SEMA6D: variants seen among roughly 807,000 people sequenced by gnomAD.
SEMA6D encodes the protein semaphorin-6D.
Under a neutral mutation model 106.6 loss-of-function variants are expected in SEMA6D, and 35 were observed. The ratio of observed to expected loss-of-function variants is 0.33; its 90% CI spans 0.25 to 0.44. SEMA6D has a LOEUF of 0.44. Ranked by LOEUF, SEMA6D falls within the 20% of genes least tolerant of loss-of-function variation. SEMA6D has a pLI of 1.00. For synonymous variants in SEMA6D, 499 were observed against 487.7 expected, an observed-to-expected ratio of 1.02 and a Z score of -0.31; for missense variants, 1,185 against 1,345.9, an observed-to-expected ratio of 0.88 and a Z score of 1.87.
chr15:47,538,524 A>G (rs1209481702), intron 3 of SEMA6D, among the ~76,000 whole-genome samples: 1 of 152,218 alleles, frequency 6.6e-6, no homozygotes, highest in Non-Finnish European at 1.5e-5. Context: ...CAGAGAAGCC[A>G]GCATCTTAGC....
Position 47,685,664 on chromosome 15 carries a change from G to A in SEMA6D, c.-54-74081G>A, listed in dbSNP as rs1051106497. On this transcript the variant is annotated intron_variant, in intron 4 of 19. Coordinates refer to the SEMA6D transcript ENST00000558014. The stretch of plus-strand genomic sequence containing the variant: ...GCAGGGACTTCTTTGAGTCTAGAAT[G>A]GTAGGAGCATCCTGAGACCCCTAGT... Among the ~76,000 whole-genome samples, 40 of 152,166 alleles carry A rather than the reference G, an allele frequency of 2.6e-4. 1 individual carries two copies. The highest frequency in any genetic ancestry group is 1.0e-4 in the Non-Finnish European group (7 of 68,034).
chr15:47,562,256 T>C (rs1321989305), intron 3 of SEMA6D, among the ~76,000 whole-genome samples: 1 of 152,022 alleles, frequency 6.6e-6, no homozygotes, highest in Non-Finnish European at 1.5e-5. Flanking sequence ...AAAAAAAAAT[T>C]AAATAAATTG....
intron 4 of SEMA6D, among the ~76,000 whole-genome samples, chr15:47,664,401 C>G (rs2077985234): frequency 6.6e-6 from 1 of 150,814 alleles, no homozygotes; most frequent in African/African-American, 2.5e-5. Flanking sequence ...AATGATGATT[C>G]CACTTAAGAA....
intron 1 of SEMA6D, among the ~76,000 whole-genome samples, chr15:47,356,266 A>G (rs1236063722): frequency 6.6e-6 from 1 of 152,220 alleles, no homozygotes; most frequent in Non-Finnish European, 1.5e-5. Context: ...AATGGTAATA[A>G]CTACTAGGTT....
chr15:47,692,712 C>T (rs1215658135), intron 4 of SEMA6D, among the ~76,000 whole-genome samples: 1 of 152,138 alleles, frequency 6.6e-6, no homozygotes, highest in African/African-American at 2.4e-5. Context: ...GTGGTGTCTC[C>T]TGGATGGGCT....
chr15:47,664,186 A>T (rs2077981408), intron 4 of SEMA6D, among the ~76,000 whole-genome samples: 1 of 152,170 alleles, frequency 6.6e-6, no homozygotes, highest in African/African-American at 2.4e-5. Context: ...ACTATCATAC[A>T]TTTATATATA....
chr15:47,537,288 C>A (rs2045199055), intron 3 of SEMA6D, among the ~76,000 whole-genome samples: 1 of 152,122 alleles, frequency 6.6e-6, no homozygotes, highest in African/African-American at 2.4e-5. Context: ...ACAAAGCAGA[C>A]CCTCCTTAAA....
At chr15:47,763,746 G>A (rs2082187890) in intron 9 of SEMA6D, 104 bp from the exon 10 acceptor site, 5 of 990,342 alleles carry the variant, frequency 5.0e-6, no homozygotes, top group African/African-American at 1.6e-5. Flanking sequence ...TTTTGAACCA[G>A]ATGTATCTTT....
intron 1 of SEMA6D, among the ~76,000 whole-genome samples, chr15:47,339,717 G>A (rs2037732039): frequency 6.6e-6 from 1 of 152,004 alleles, no homozygotes; most frequent in South Asian, 2.1e-4. Context: ...AAATTAGCCG[G>A]GTGTGGTGTC....
At chr15:47,300,454 C>T (rs1433373998) in intron 1 of SEMA6D, among the ~76,000 whole-genome samples, 2 of 151,966 alleles carry the variant, frequency 1.3e-5, no homozygotes, top group Non-Finnish European at 2.9e-5. Flanking sequence ...TTGGGGGAGG[C>T]ACGATCATAA....
chr15:47,696,684 G>T (rs1003125190), intron 4 of SEMA6D, among the ~76,000 whole-genome samples: 3 of 152,120 alleles, frequency 2.0e-5, no homozygotes, highest in African/African-American at 7.2e-5. Flanking sequence ...CTTCAATTTT[G>T]TAGGTGAGAA....
At chr15:47,554,698 CA>C (rs2045865465) in intron 3 of SEMA6D, among the ~76,000 whole-genome samples, 1 of 152,172 alleles carries the variant, frequency 6.6e-6, no homozygotes, top group African/African-American at 2.4e-5. Context: ...ATGGAGGGCA[CA>C]CAGACCCTTT....
chr15:47,235,092 T>A (rs1360025201), intron 1 of SEMA6D, among the ~76,000 whole-genome samples: 1 of 151,962 alleles, frequency 6.6e-6, no homozygotes, highest in African/African-American at 2.4e-5. Context: ...TTTCCCTGAT[T>A]AGTGATGTTA....
At chr15:47,747,454 G>T (rs911568359) in intron 1 of SEMA6D, among the ~76,000 whole-genome samples, 23 of 152,174 alleles carry the variant, frequency 1.5e-4, no homozygotes, top group African/African-American at 5.3e-4. Flanking sequence ...ATATTGGTGT[G>T]CTTTGCTTTA....
Position 47,759,893 on chromosome 15 carries a change from C to G in SEMA6D, c.95C>G (p.Thr32Ser). 1 of 1,611,102 alleles carries G rather than the reference C, an allele frequency of 6.2e-7. No homozygotes were observed. Among genetic ancestry groups the G allele is most frequent in the Non-Finnish European group, 8.5e-7 (1 of 1,177,338 alleles). ...SFPEDDEPLN[T>S]VDYHYSRQYP... The stretch of plus-strand genomic sequence containing the variant: ...CCTGAAGATGATGAACCCCTTAATA[C>G]TGTCGACTATCACTGTAAGTCGTCT... Residue 32 changes from threonine (T) to serine (S), a missense_variant, in exon 2 of 19, where the codon ACT becomes AGT. Thr to Ser is a moderately conservative substitution (Grantham distance 58). This residue lies in a region of SEMA6D where 144 missense variants were observed against 138.6 expected (regional missense o/e 1.04). Transcript: ENST00000536845.
intron 1 of SEMA6D, chr15:47,730,058 T>G (rs1395773023): frequency 4.9e-5 from 33 of 666,812 alleles, no homozygotes; most frequent in South Asian, 2.1e-4. Context: ...TCCCATTTTA[T>G]TTTAGTTTAG....
chr15:47,314,720 G>A (rs959285202), intron 1 of SEMA6D, among the ~76,000 whole-genome samples: 7 of 151,552 alleles, frequency 4.6e-5, no homozygotes, highest in Non-Finnish European at 7.4e-5. Context: ...GCAGTCTCTG[G>A]ACATGGACTT....
At chr15:47,207,993 G>GCACACACACACACACACACA (rs57079521) in intron 1 of SEMA6D, among the ~76,000 whole-genome samples, 2 of 89,454 alleles carry the variant, frequency 2.2e-5, no homozygotes, top group African/African-American at 4.1e-5. Flanking sequence ...TGGCGCGCGC[G>GCACACACACACACACACACA]CACACACACA....
chr15:47,432,820 T>C (rs1180562660), intron 2 of SEMA6D, among the ~76,000 whole-genome samples: 1 of 152,112 alleles, frequency 6.6e-6, no homozygotes, highest in Non-Finnish European at 1.5e-5. Flanking sequence ...AAAGTGCAAA[T>C]GATTAAATGT....
Sources: allele counts gnomAD v4.1 joint callset (sites outside exome capture counted in the v4.1 genomes callset), GRCh38; gene constraint gnomAD v4.1.1; regional missense constraint gnomAD v4.1.1; transcripts MANE v1.5; gene names NCBI Gene and HGNC (gene_info 2026-07-23, HGNC 2026-07-21).